ETFB: variants seen among roughly 807,000 people sequenced by gnomAD.
ETFB encodes the protein beta-ETF.
In ETFB, 20 loss-of-function variants were observed where a neutral mutation model predicts 25.6. The ratio of observed to expected loss-of-function variants is 0.78; its 90% CI spans 0.55 to 1.14. The LOEUF is 1.14. ETFB is among the 50% of genes most tolerant of loss of function. ETFB has a pLI of 0.00. For missense variants in ETFB, 286 were observed against 342.6 expected (o/e 0.83, Z 1.30); for synonymous variants, 142 against 146.7 (o/e 0.97, Z 0.23).
intron 5 of ETFB, chr19:51,345,694 G>A (rs1247214509): frequency 6.8e-6 from 3 of 437,980 alleles, no homozygotes; most frequent in African/African-American, 6.0e-5. Flanking sequence ...TGGACTTTTG[G>A]TTGAGATGGC....
intron 5 of ETFB, chr19:51,346,563 C>T: frequency 3.5e-6 from 1 of 289,504 alleles, no homozygotes; most frequent in South Asian, 4.7e-5. Context: ...GCAAAAATTA[C>T]CAAGGGGACC....
rs199762206 is a variant in ETFB at position 51,353,111 on chromosome 19, G to A, written c.375+21C>T. On this transcript the variant is annotated intron_variant, in intron 3 of 5. Transcript: ENST00000309244. ...GAGCAGGGATGAGCAAGGGGGCACA[G>A]GGAGGGCTGACCACAGCTACCTGTT... 4.1e-4 allele frequency: 665 copies of A among 1,613,608 alleles called. 1 individual carries two copies. The highest frequency in any genetic ancestry group is 1.6e-3 in the Admixed American group (99 of 60,016).
At chr19:51,366,173 C>G in intron 1 of ETFB, 97 bp downstream of exon 1, 1 of 1,215,464 alleles carries the variant, frequency 8.2e-7, no homozygotes, top group African/African-American at 1.5e-5. Flanking sequence ...CGGCAGAGGT[C>G]GGGGGTTACG....
intron 1 of ETFB, 133 bp downstream of exon 1, chr19:51,366,137 G>GCAAAAACCTT (rs1986358312): frequency 1.1e-6 from 1 of 873,734 alleles, no homozygotes; most frequent in Non-Finnish European, 1.9e-6. Flanking sequence ...TTGCCCTCAG[G>GCAAAAACCTT]TGACTTTGAC....
chr19:51,351,227 C>T (rs140230420), intron 3 of ETFB, among the ~76,000 whole-genome samples: 2,096 of 152,262 alleles, frequency 0.014, 15 homozygotes, highest in Non-Finnish European at 0.021. Context: ...AAGAGTCAGC[C>T]CTGGGAGTTT....
intron 3 of ETFB, among the ~76,000 whole-genome samples, chr19:51,351,747 G>GT (rs995850019): frequency 6.6e-6 from 1 of 152,094 alleles, no homozygotes; most frequent in Non-Finnish European, 1.5e-5. Flanking sequence ...CTCAGGGCTG[G>GT]GCAGGACACC....
In ETFB at chr19:51,366,357, C is replaced by T. The variant is rs761117970; in HGVS notation, c.-31G>A. On this transcript the variant is annotated 5_prime_UTR_variant, in exon 1 of 6. Transcript: ENST00000309244. ...CGCCGCAGCCACTTACAGGGTCAGC[C>T]CGCACCCTCAGCGGCTCAGTCCAGA... The T allele has an allele frequency of 6.2e-7, 1 of 1,609,490 alleles. No individual in the cohort carries two copies. Among genetic ancestry groups the T allele is most frequent in the South Asian group, 1.1e-5 (1 of 90,626 alleles).
intron 1 of ETFB, 193 bp from the exon 2 acceptor site, chr19:51,354,501 C>G (rs1986026876): frequency 6.2e-7 from 1 of 1,614,090 alleles, no homozygotes; most frequent in African/African-American, 1.3e-5. Context: ...CACCCTGTCT[C>G]CTTCTCTCAT....
intron 3 of ETFB, among the ~76,000 whole-genome samples, 194 bp downstream of exon 3, chr19:51,352,938 T>C (rs1985964584): frequency 6.6e-6 from 1 of 152,178 alleles, no homozygotes; most frequent in African/African-American, 2.4e-5. Flanking sequence ...CAAGAGGATC[T>C]TTCTAACACC....
At chr19:51,357,543 G>GC (rs1355238614) in intron 1 of ETFB, among the ~76,000 whole-genome samples, 2 of 137,794 alleles carry the variant, frequency 1.5e-5, no homozygotes, top group African/African-American at 5.6e-5. Flanking sequence ...AGGATGGAGA[G>GC]CAGTGGCATG....
At position 51,346,895 on chromosome 19, in the gene ETFB, C is replaced by T; in HGVS notation, c.597+5G>A. 2 of 1,550,726 alleles carry T rather than the reference C, an allele frequency of 1.3e-6. No individual in the cohort carries two copies. The highest frequency in any genetic ancestry group is 1.7e-4 in the Middle Eastern group (1 of 5,858). On this transcript the variant is annotated splice_donor_5th_base_variant and intron_variant, in intron 5 of 5. Coordinates refer to ENST00000309244, the MANE Select transcript of ETFB (RefSeq NM_001985.3). ...GCCCTCAGTGCCCGCTGGCCAGGGG[C>T]TCACCATGATGTTGGGCAGCGTGGC...
At chr19:51,354,890 C>G (rs993196009) in intron 1 of ETFB, 7 of 472,370 alleles carry the variant, frequency 1.5e-5, no homozygotes. Flanking sequence ...TTTTCAGGCA[C>G]GTACATGGTG....
intron 1 of ETFB, among the ~76,000 whole-genome samples, chr19:51,360,863 G>A (rs1482941036): frequency 6.6e-6 from 1 of 151,968 alleles, no homozygotes; most frequent in East Asian, 1.9e-4. Flanking sequence ...TTGGCTCACT[G>A]CAAACTCCAC....
At chr19:51,345,572 G>C in intron 5 of ETFB, 191 bp from the exon 6 acceptor site, 1 of 628,544 alleles carries the variant, frequency 1.6e-6, no homozygotes, top group Non-Finnish European at 2.9e-6. Context: ...TGGCTAGGAG[G>C]CCCTGGGAGG....
intron 1 of ETFB, chr19:51,356,043 G>A (rs1389124169): frequency 6.6e-6 from 1 of 151,378 alleles, no homozygotes; most frequent in Non-Finnish European, 1.5e-5. Flanking sequence ...ATAAACACAT[G>A]TAACAAACCT....
intron 1 of ETFB, among the ~76,000 whole-genome samples, chr19:51,362,320 G>A (rs1986253380): frequency 6.6e-6 from 1 of 152,128 alleles, no homozygotes; most frequent in Non-Finnish European, 1.5e-5. Flanking sequence ...GCTCACACCT[G>A]TAATCCCAGC....
chr19:51,345,429 C>T (rs754647447), intron 5 of ETFB, 48 bp from the exon 6 acceptor site: 1 of 1,590,654 alleles, frequency 6.3e-7, no homozygotes, highest in East Asian at 2.2e-5. Context: ...CTCCTGCCAC[C>T]CTTCCTGCCA....
rs191700943 is a variant in ETFB, at chr19:51,357,973, G to A, written c.58-3665C>T. 2.3e-4 allele frequency among the ~76,000 whole-genome samples: 35 copies of A among 152,322 alleles called. No homozygotes were observed. In the East Asian group the frequency reaches 6.6e-3, roughly 29 times the overall value. On this transcript the variant is annotated intron_variant, in intron 1 of 5. Coordinates refer to ENST00000309244, the MANE Select transcript of ETFB (RefSeq NM_001985.3). ...TCTGGAGGTGCAACTGACAGGCCAT[G>A]GTTCGTGATGGGAAGATGACACCAA... is the stretch of plus-strand genomic sequence containing the variant.
At chr19:51,362,698 G>A (rs1359816921) in intron 1 of ETFB, among the ~76,000 whole-genome samples, 1 of 152,124 alleles carries the variant, frequency 6.6e-6, no homozygotes, top group African/African-American at 2.4e-5. Flanking sequence ...GAAAAATGAG[G>A]CTTAGAGTGG....
Sources: allele counts gnomAD v4.1 joint callset (sites outside exome capture counted in the v4.1 genomes callset), GRCh38; gene constraint gnomAD v4.1.1; transcripts MANE v1.5; gene names NCBI Gene and HGNC (gene_info 2026-07-23, HGNC 2026-07-21).